SDK1: variants seen among roughly 807,000 people sequenced by gnomAD.
SDK1 encodes sidekick cell adhesion molecule 1.
SDK1 carries 157 observed loss-of-function variants against 245.5 expected under a neutral mutation model. That is an observed-to-expected ratio of 0.64 (90% CI 0.56 to 0.73). The LOEUF (loss-of-function observed/expected upper bound fraction) is 0.73. SDK1 is among the 30% of genes least tolerant of loss of function. The pLI is 0.00. For synonymous variants in SDK1, 1,647 were observed against 1,278.5 expected, an observed-to-expected ratio of 1.29 and a Z score of -6.15; for missense variants, 3,583 against 3,002.3, an observed-to-expected ratio of 1.19 and a Z score of -4.52.
intron 4 of SDK1, among the ~76,000 whole-genome samples, chr7:3,675,324 C>T (rs1483419114): frequency 1.3e-5 from 2 of 152,172 alleles, no homozygotes; most frequent in African/African-American, 2.4e-5. Flanking sequence ...AAGTGATGGT[C>T]GTCTACAGCT....
chr7:3,392,591 A>G (rs1781785756), intron 1 of SDK1, among the ~76,000 whole-genome samples: 2 of 152,176 alleles, frequency 1.3e-5, no homozygotes, highest in African/African-American at 4.8e-5. Context: ...CAGAAACTGC[A>G]ACTTCTAAGC....
At chr7:4,129,285 G>A (rs954198775) in intron 26 of SDK1, among the ~76,000 whole-genome samples, 1 of 146,936 alleles carries the variant, frequency 6.8e-6, no homozygotes, top group Non-Finnish European at 1.5e-5. Context: ...GGGTGCCCTG[G>A]AATAGAGCAG....
intron 1 of SDK1, among the ~76,000 whole-genome samples, chr7:3,512,798 A>G (rs1782624644): frequency 6.6e-6 from 1 of 152,038 alleles, no homozygotes; most frequent in Admixed American, 6.6e-5. Context: ...TTTGGGGTAA[A>G]TATTCCATCT....
At chr7:3,498,001 C>T (rs1006864074) in intron 1 of SDK1, among the ~76,000 whole-genome samples, 1 of 152,190 alleles carries the variant, frequency 6.6e-6, no homozygotes, top group Non-Finnish European at 1.5e-5. Context: ...TTTGACAGTT[C>T]AGCCATCTGG....
At chr7:3,699,954 A>G (rs754795191) in intron 4 of SDK1, among the ~76,000 whole-genome samples, 3 of 151,828 alleles carry the variant, frequency 2.0e-5, no homozygotes, top group African/African-American at 7.3e-5. Context: ...ATGCAGCCAG[A>G]GAAAACAGTA....
intron 20 of SDK1, among the ~76,000 whole-genome samples, chr7:4,071,586 A>G (rs140958584): frequency 2.0e-5 from 3 of 152,340 alleles, no homozygotes; most frequent in Non-Finnish European, 2.9e-5. Context: ...GGAGGGCACT[A>G]TAGACTGCAG....
chr7:3,827,961 G>A (rs548652103), intron 5 of SDK1, among the ~76,000 whole-genome samples: 1 of 152,318 alleles, frequency 6.6e-6, no homozygotes, highest in Non-Finnish European at 1.5e-5. Context: ...TTAGAACAAA[G>A]CACGTCTGTC....
At chr7:3,450,538 T>A (rs892767291) in intron 1 of SDK1, among the ~76,000 whole-genome samples, 2 of 152,170 alleles carry the variant, frequency 1.3e-5, no homozygotes, top group Non-Finnish European at 2.9e-5. Context: ...ATTTCTAGTT[T>A]GGAACAAGTA....
At chr7:3,464,855 A>G (rs993618749) in intron 1 of SDK1, among the ~76,000 whole-genome samples, 2 of 152,110 alleles carry the variant, frequency 1.3e-5, no homozygotes, top group East Asian at 1.9e-4. Flanking sequence ...AGTTGTGACA[A>G]TGATATTACA....
chr7:4,200,317 C>T (rs775135707), intron 35 of SDK1, among the ~76,000 whole-genome samples: 13 of 152,210 alleles, frequency 8.5e-5, no homozygotes, highest in East Asian at 1.9e-4. Flanking sequence ...TGGCTGAGGC[C>T]GGCACCTTCC....
intron 1 of SDK1, among the ~76,000 whole-genome samples, chr7:3,416,900 C>T (rs573645069): frequency 2.6e-5 from 4 of 152,236 alleles, no homozygotes; most frequent in South Asian, 2.1e-4. Flanking sequence ...CAGCCGGGCA[C>T]GGTGGCTCAT....
intron 2 of SDK1, among the ~76,000 whole-genome samples, chr7:3,634,762 TG>T (rs1454241037): frequency 6.6e-6 from 1 of 152,220 alleles, no homozygotes; most frequent in Non-Finnish European, 1.5e-5. Context: ...TTTTCCTTGG[TG>T]AGACATTAGA....
At chr7:3,693,847 C>T (rs1217618296) in intron 4 of SDK1, among the ~76,000 whole-genome samples, 4 of 152,086 alleles carry the variant, frequency 2.6e-5, no homozygotes, top group Non-Finnish European at 5.9e-5. Flanking sequence ...CAGTGAACAC[C>T]TGGTCCCCGC....
chr7:3,800,243 G>C (rs1343481469), intron 4 of SDK1, among the ~76,000 whole-genome samples: 1 of 152,076 alleles, frequency 6.6e-6, no homozygotes, highest in African/African-American at 2.4e-5. Context: ...TCAATTCTTA[G>C]CCAGCTGGCA....
chr7:4,143,728 C>A (rs943257986), intron 28 of SDK1, among the ~76,000 whole-genome samples: 2 of 152,166 alleles, frequency 1.3e-5, no homozygotes, highest in African/African-American at 2.4e-5. Flanking sequence ...GCTCACAGAT[C>A]GGCATGGGTG....
chr7:3,882,490 T>C (rs1313791418), intron 5 of SDK1, among the ~76,000 whole-genome samples: 2 of 152,244 alleles, frequency 1.3e-5, no homozygotes, highest in African/African-American at 4.8e-5. Flanking sequence ...TCTTTCCTTC[T>C]AGAATTTGTG....
intron 1 of SDK1, among the ~76,000 whole-genome samples, chr7:3,426,571 C>T (rs191466453): frequency 6.6e-6 from 1 of 152,336 alleles, no homozygotes; most frequent in African/African-American, 2.4e-5. Flanking sequence ...TAGCACGTTG[C>T]ATCCAACAAG....
intron 43 of SDK1, among the ~76,000 whole-genome samples, chr7:4,244,009 C>G (rs371995032): frequency 6.6e-6 from 1 of 152,338 alleles, no homozygotes; most frequent in East Asian, 1.9e-4. Flanking sequence ...GAAATGGCAT[C>G]TTTCCCAAAG....
intron 7 of SDK1, among the ~76,000 whole-genome samples, chr7:3,955,649 C>T (rs751902768): frequency 1.3e-5 from 2 of 152,160 alleles, no homozygotes; most frequent in Non-Finnish European, 2.9e-5. Context: ...AACAGGGAGG[C>T]AGCGCAGGAA....
Sources: gnomAD v4.1 joint callset for allele counts (sites outside exome capture counted in the v4.1 genomes callset) on GRCh38, gnomAD v4.1.1 for gene constraint, MANE v1.5 for transcripts, NCBI Gene and HGNC (gene_info 2026-07-23, HGNC 2026-07-21) for gene names.